ASIC2: variants seen among roughly 807,000 people sequenced by gnomAD.
ASIC2 encodes the protein acid-sensing ion channel 2.
ASIC2 carries 25 observed loss-of-function variants against 57.3 expected under a neutral mutation model. The ratio of observed to expected loss-of-function variants is 0.44; its 90% CI spans 0.32 to 0.61. The LOEUF (loss-of-function observed/expected upper bound fraction) is 0.61. ASIC2 is among the 20% of genes least tolerant of loss of function. ASIC2 has a pLI of 0.06. For missense variants in ASIC2, 641 were observed against 738.1 expected (o/e 0.87, Z 1.52); for synonymous variants, 319 against 307.5 (o/e 1.04, Z -0.39).
chr17:33,107,399 AT>A (rs2092239285), intron 2 of ASIC2, among the ~76,000 whole-genome samples: 1 of 152,196 alleles, frequency 6.6e-6, no homozygotes, highest in African/African-American at 2.4e-5. Context: ...TGTGTTTAAT[AT>A]TTTTTAACCA....
chr17:33,352,333 A>G (rs913322508), intron 1 of ASIC2, among the ~76,000 whole-genome samples: 2 of 152,104 alleles, frequency 1.3e-5, no homozygotes, highest in African/African-American at 4.8e-5. Flanking sequence ...ATATCTCAGA[A>G]GTGCCCAGTG....
chr17:34,047,064 C>T (rs192657692), intron 1 of ASIC2, among the ~76,000 whole-genome samples: 109 of 152,138 alleles, frequency 7.2e-4, no homozygotes, highest in African/African-American at 2.6e-3. Flanking sequence ...AACTAAAGGT[C>T]AGAGGTATTC....
chr17:33,847,012 T>C (rs1279435442), intron 1 of ASIC2, among the ~76,000 whole-genome samples: 2 of 151,990 alleles, frequency 1.3e-5, no homozygotes, highest in African/African-American at 4.8e-5. Flanking sequence ...AAGTTCTTAT[T>C]CCCACCAGGA....
At position 33,292,345 on chromosome 17, in the gene ASIC2, T is replaced by C. The variant is rs1246710659; in HGVS notation, c.-230A>G. On this transcript the variant is annotated 5_prime_UTR_variant, in exon 1 of 10. Coordinates refer to ENST00000225823, the MANE Select transcript of ASIC2 (RefSeq NM_183377.2). ...GAGCGCCGCCTCAGCCCGCAGCCCC[T>C]GGCAGTGGCCTCTCCCGAGCGCCTC... 11 of 985,896 alleles carry C rather than the reference T, an allele frequency of 1.1e-5. No individual in the cohort carries two copies. The highest frequency in any genetic ancestry group is 6.2e-5 in the Admixed American group (1 of 16,248). 61.1% of individuals were successfully genotyped at this position (985,896 alleles called of 1,614,324 possible).
At chr17:33,086,358 A>G (rs1225094077) in intron 3 of ASIC2, among the ~76,000 whole-genome samples, 3 of 152,238 alleles carry the variant, frequency 2.0e-5, no homozygotes, top group South Asian at 2.1e-4. Flanking sequence ...TGTCAACACA[A>G]GTAAGTAATT....
At chr17:33,037,730 A>G (rs2091915098) in intron 3 of ASIC2, among the ~76,000 whole-genome samples, 2 of 152,208 alleles carry the variant, frequency 1.3e-5, no homozygotes, top group Admixed American at 6.5e-5. Flanking sequence ...GTGGGATGAT[A>G]ATAACGTTTA....
At chr17:34,124,110 A>G (rs913502070) in intron 1 of ASIC2, among the ~76,000 whole-genome samples, 3 of 152,130 alleles carry the variant, frequency 2.0e-5, no homozygotes, top group Non-Finnish European at 4.4e-5. Context: ...ATATTAAATT[A>G]TATAATCTTC....
At chr17:33,172,863 C>G (rs1355895616) in intron 1 of ASIC2, among the ~76,000 whole-genome samples, 2 of 152,200 alleles carry the variant, frequency 1.3e-5, no homozygotes, top group Non-Finnish European at 2.9e-5. Context: ...CCAGCTGTCA[C>G]TTCACTTCAT....
chr17:33,107,710 G>A (rs1265294671), intron 2 of ASIC2, among the ~76,000 whole-genome samples: 1 of 152,054 alleles, frequency 6.6e-6, no homozygotes, highest in Non-Finnish European at 1.5e-5. Context: ...ACCCAAAGAG[G>A]GTGTCTTTTG....
rs74200841 is a variant in ASIC2, at chr17:34,099,102, AAGAGAGAG to A, written c.555+56868_555+56875del. On this transcript the variant is annotated intron_variant, in intron 1 of 9. Transcript: ENST00000359872. ...GAGCAGCAGCTACATTAAGAGAGAA[AAGAGAGAG>A]AGAGAGAGAGAGAGAGAGAGAGAGA... Among the ~76,000 whole-genome samples the A allele has an allele frequency of 2.0e-3, 162 of 81,258 alleles. 6 individuals are homozygous for A. The highest frequency in any genetic ancestry group is 0.015 in the East Asian group (45 of 2,946). The allele number at this position is 81,258 out of a possible 152,430, so 53.3% of individuals were successfully genotyped here.
chr17:34,097,291 A>G (rs961551347), intron 1 of ASIC2, among the ~76,000 whole-genome samples: 1 of 152,164 alleles, frequency 6.6e-6, no homozygotes, highest in African/African-American at 2.4e-5. Flanking sequence ...AGCAATATAC[A>G]TCAGAGAGGC....
At chr17:33,246,425 C>A (rs115748221) in intron 1 of ASIC2, among the ~76,000 whole-genome samples, 2,564 of 152,276 alleles carry the variant, frequency 0.017, 75 homozygotes, top group African/African-American at 0.056. Flanking sequence ...TAAATGCTGA[C>A]CCCTTCATCC....
intron 1 of ASIC2, among the ~76,000 whole-genome samples, chr17:33,719,555 G>GTGTGTATCT (rs1909324058): frequency 6.6e-6 from 1 of 152,216 alleles, no homozygotes; most frequent in African/African-American, 2.4e-5. Context: ...CCATCTGCTA[G>GTGTGTATCT]AAACATTGTC....
At chr17:33,062,924 C>T (rs945838630) in intron 3 of ASIC2, among the ~76,000 whole-genome samples, 1 of 152,180 alleles carries the variant, frequency 6.6e-6, no homozygotes, top group South Asian at 2.1e-4. Context: ...TAATGGCCTT[C>T]TTTGTCTCTT....
intron 1 of ASIC2, among the ~76,000 whole-genome samples, chr17:33,344,628 G>A (rs1285977245): frequency 6.6e-6 from 1 of 152,114 alleles, no homozygotes. Context: ...GGGAATGAAA[G>A]TTAAATGAGA....
At chr17:33,161,150 T>C (rs1247059427) in intron 1 of ASIC2, among the ~76,000 whole-genome samples, 1 of 152,146 alleles carries the variant, frequency 6.6e-6, no homozygotes, top group Non-Finnish European at 1.5e-5. Flanking sequence ...GAATTGGCTG[T>C]CTCCTGTGCT....
chr17:33,094,847 T>G (rs1307914762), intron 2 of ASIC2, among the ~76,000 whole-genome samples: 1 of 152,188 alleles, frequency 6.6e-6, no homozygotes, highest in East Asian at 1.9e-4. Context: ...TCGGACTTTC[T>G]GAGAGAGGCA....
At chr17:33,676,852 G>T (rs1164638533) in intron 1 of ASIC2, among the ~76,000 whole-genome samples, 2 of 151,162 alleles carry the variant, frequency 1.3e-5, no homozygotes, top group Admixed American at 6.6e-5. Context: ...TGGGGGTGGG[G>T]CCTGGTGGAG....
At chr17:33,618,749 C>T (rs1597809270) in intron 1 of ASIC2, among the ~76,000 whole-genome samples, 2 of 152,176 alleles carry the variant, frequency 1.3e-5, no homozygotes, top group South Asian at 4.1e-4. Context: ...GCTGTCTCTT[C>T]ATATTTGTCT....
Sources: gnomAD v4.1 joint callset for allele counts (sites outside exome capture counted in the v4.1 genomes callset) on GRCh38, gnomAD v4.1.1 for gene constraint, MANE v1.5 for transcripts, NCBI Gene and HGNC (gene_info 2026-07-23, HGNC 2026-07-21) for gene names.